SCRIB: variants seen among roughly 807,000 people sequenced by gnomAD.
SCRIB encodes the protein protein scribble homolog.
SCRIB carries 72 observed loss-of-function variants against 170.0 expected under a neutral mutation model. The ratio of observed to expected loss-of-function variants is 0.42; its 90% CI spans 0.35 to 0.52. The LOEUF is 0.52. Ranked by LOEUF, SCRIB falls within the 20% of genes least tolerant of loss-of-function variation. SCRIB has a pLI of 0.02. For missense variants in SCRIB, 2,475 were observed against 2,338.5 expected (o/e 1.06, Z -1.20); for synonymous variants, 1,298 against 1,044.3 (o/e 1.24, Z -4.68).
At chr8:143,802,026 C>T (rs782351848) in intron 24 of SCRIB, among the ~76,000 whole-genome samples, 5 of 152,234 alleles carry the variant, frequency 3.3e-5, no homozygotes, top group Non-Finnish European at 5.9e-5. Context: ...GGAGCTCGCT[C>T]CCTCTCTAAT....
rs145142316 is a variant in SCRIB, at chr8:143,808,621, C to A, written c.2103G>T (p.Ala701=). ...GGCTGACACCAACCTTGACAGAGGG[C>A]GCAGAAACCACGGCCCCCTCCTTGT... ...EEDKEGAVVS[A]PSVKGVSFDQ... is the part of the protein sequence containing the mutation. Residue 701 remains alanine (A), a synonymous_variant, in exon 15 of 37, where the codon GCG becomes GCT. Transcript: ENST00000356994. 1 of 1,511,116 alleles carries A rather than the reference C, an allele frequency of 6.6e-7. No individual in the cohort carries two copies. The highest frequency in any genetic ancestry group is 2.3e-5 in the Admixed American group (1 of 43,478). 93.6% of individuals were successfully genotyped at this position (1,511,116 alleles called of 1,614,324 possible).
In SCRIB at chr8:143,792,321, C is replaced by T. The variant is rs377362353; in HGVS notation, c.4413G>A (p.Leu1471=). The T allele has an allele frequency of 2.0e-4, 308 of 1,550,728 alleles. No individual in the cohort carries two copies. Among genetic ancestry groups the T allele is most frequent in the Non-Finnish European group, 2.5e-4 (293 of 1,155,138 alleles). Residue 1471 remains leucine (L), a synonymous_variant, in exon 32 of 37, where the codon CTG becomes CTA. Transcript: ENST00000356994. ...CCGGTGGCTCCGGACTCTGCACGCG[C>T]AGCCGCTCCTGGTGGCGCCGTTCAG... is the stretch of plus-strand genomic sequence containing the variant. ...AKAERRHQER[L]RVQSPEPPAP...
At chr8:143,791,830 C>CT (rs1206269132) in intron 34 of SCRIB, 46 bp downstream of exon 34, 12 of 1,527,710 alleles carry the variant, frequency 7.9e-6, no homozygotes, top group East Asian at 4.7e-5. Context: ...AGACCCCACC[C>CT]CCATGCCTCG....
At position 143,808,658 on chromosome 8, in the gene SCRIB, G is replaced by C. The variant is rs373155569; in HGVS notation, c.2066C>G (p.Thr689Ser). Residue 689 changes from threonine (T) to serine (S), a missense_variant, in exon 15 of 37, where the codon ACT becomes AGT. Coordinates refer to ENST00000356994, the MANE Select transcript of SCRIB (RefSeq NM_182706.5). ...ENRAEEEEAS[T>S]EEEDKEGAVV... is the part of the protein sequence containing the mutation. ...GGCCCCCTCCTTGTCCTCCTCCTCA[G>C]TGCTGGCCTCTTCCTCTTCAGCCCT... is the stretch of plus-strand genomic sequence containing the variant. The C allele has an allele frequency of 8.5e-6, 13 of 1,532,784 alleles. No homozygotes were observed. In the Admixed American group the frequency reaches 1.1e-4, roughly 13 times the overall value. 94.9% of individuals were successfully genotyped at this position (1,532,784 alleles called of 1,614,324 possible).
intron 21 of SCRIB, 132 bp downstream of exon 21, chr8:143,804,436 T>C: frequency 1.0e-6 from 1 of 952,824 alleles, no homozygotes; most frequent in South Asian, 1.9e-5. Context: ...CTCAAGGAGC[T>C]GCAGGGGAAA....
At chr8:143,794,892 G>A (rs1814872573) in intron 27 of SCRIB, 146 bp downstream of exon 27, 3 of 685,610 alleles carry the variant, frequency 4.4e-6, no homozygotes, top group African/African-American at 3.6e-5. Context: ...GCCAGGCTGG[G>A]GTAGCCTGCA....
intron 35 of SCRIB, 41 bp downstream of exon 35, chr8:143,791,623 ACG>A: frequency 6.4e-7 from 1 of 1,552,164 alleles, no homozygotes; most frequent in Middle Eastern, 1.7e-4. Context: ...GGTGGCAGGC[ACG>A]GACAGGGTGG....
intron 24 of SCRIB, among the ~76,000 whole-genome samples, chr8:143,796,624 T>C (rs1269807375): frequency 2.6e-5 from 4 of 152,108 alleles, no homozygotes; most frequent in African/African-American, 4.8e-5. Context: ...AGGAAGCAGC[T>C]AAACACAGAA....
intron 24 of SCRIB, among the ~76,000 whole-genome samples, chr8:143,798,391 G>A (rs561528216): frequency 2.6e-5 from 4 of 152,306 alleles, no homozygotes; most frequent in African/African-American, 9.6e-5. Flanking sequence ...CGGACTGTAC[G>A]TCCCAGGCAG....
rs547620211 is a variant in SCRIB, at chr8:143,815,077, CTGG to C, written c.159+134_159+136del. Reference sequence around the variant, plus strand: ...GGCTGGAAGAGAAGGGTGGGGCTGGCTGGGGTGGGGACCTGGCCAGTGCAAACC... The same window carrying C: ...GGCTGGAAGAGAAGGGTGGGGCTGGCGGTGGGGACCTGGCCAGTGCAAACC... On this transcript the variant is annotated intron_variant, in intron 1 of 36. Transcript: ENST00000356994. 52 of 1,009,914 alleles carry C rather than the reference CTGG, an allele frequency of 5.1e-5. No homozygotes were observed. In the South Asian group the frequency reaches 9.6e-4, roughly 19 times the overall value. The allele number at this position is 1,009,914 out of a possible 1,614,324, so 62.6% of individuals were successfully genotyped here.
intron 9 of SCRIB, among the ~76,000 whole-genome samples, chr8:143,811,954 C>T (rs895054230): frequency 1.3e-5 from 2 of 152,208 alleles, no homozygotes; most frequent in East Asian, 1.9e-4. Flanking sequence ...TGCTCTCCAT[C>T]TGTCTTCCCT....
rs542500771 is a variant in SCRIB, at chr8:143,792,249, G to A, written c.4485C>T (p.Ala1495=). The change falls in exon 32 of 37, where the codon GCC becomes GCT. Residue 1495 remains alanine (A), a synonymous_variant. Transcript: ENST00000356994. The part of the protein sequence containing the change: ...LSPAELRALE[A]EKRALWRAAR... ...CTGCCCTCCACAGCGCACGCTTCTC[G>A]GCCTCCAGGGCCCGGAGCTCGGCAG... 47 of 1,572,908 alleles carry A rather than the reference G, an allele frequency of 3.0e-5. No individual in the cohort carries two copies. The East Asian group carries it at 3.2e-4, about 11-fold the overall frequency.
rs200983191 is a variant in SCRIB, at chr8:143,792,789, G to A, written c.4096C>T (p.Arg1366Cys). 48 of 1,576,660 alleles carry A rather than the reference G, an allele frequency of 3.0e-5. No individual in the cohort carries two copies. The highest frequency in any genetic ancestry group is 2.1e-4 in the Admixed American group (12 of 56,766). ...ERQKYFELEV[R>C]VPQAEGPPKR... ...GGGGGGCCCTCGGCCTGGGGCACGC[G>A]CACCTCCAGCTCAAAGTACTTCTGC... Residue 1366 changes from arginine to cysteine, a missense_variant, in exon 30 of 37, where the codon CGC becomes TGC. By Grantham distance (180) the Arg-to-Cys change is radical (BLOSUM62 -3). Around this residue, in one of 3 missense-constraint regions of SCRIB, gnomAD observed 1,966 missense variants for 1,742.9 expected, o/e 1.13. Coordinates refer to ENST00000356994, the MANE Select transcript of SCRIB (RefSeq NM_182706.5).
At position 143,792,376 on chromosome 8, in the gene SCRIB, C is replaced by A; in HGVS notation, c.4358G>T (p.Gly1453Val). ...RQSPASPPPLGGGAPVRTAKA... is the reference protein window; with the variant it reads ...RQSPASPPPLVGGAPVRTAKA... ...GGCCGTCCGCACCGGGGCGCCACCT[C>A]CCAGGGGTGGGGGGGACGCCGGGCT... Residue 1453 changes from glycine (G) to valine (V), a missense_variant, in exon 32 of 37, where the codon GGA becomes GTA. This residue lies in a region of SCRIB where 1,966 missense variants were observed against 1,742.9 expected (regional missense o/e 1.13). Transcript: ENST00000356994. 6.6e-7 allele frequency: 1 copy of A among 1,522,762 alleles called. No individual in the cohort carries two copies. The highest frequency in any genetic ancestry group is 2.4e-5 in the East Asian group (1 of 42,418). 94.3% of individuals were successfully genotyped at this position (1,522,762 alleles called of 1,614,324 possible).
chr8:143,808,558 C>T, intron 15 of SCRIB, 51 bp downstream of exon 15: 1 of 1,487,152 alleles, frequency 6.7e-7, no homozygotes, highest in African/African-American at 1.4e-5. Flanking sequence ...CCCTGGGTGC[C>T]CAGGAGGGCC....
rs1360867216 is a variant in SCRIB, at chr8:143,809,675, CGA to C, written c.1572_1573del (p.Arg525ProfsTer8). On this transcript the variant is annotated frameshift_variant, in exon 14 of 37. Transcript: ENST00000356994. LOFTEE classifies it high-confidence loss of function. ...CTCAGAGACTGTGCTGGCAGATGGG[CGA>C]GAGTCTTCACTCAGGCCAGACTCGG... is the stretch of plus-strand genomic sequence containing the variant. 6.2e-7 allele frequency: 1 copy of C among 1,610,970 alleles called. No homozygotes were observed. Among genetic ancestry groups the C allele is most frequent in the Non-Finnish European group, 8.5e-7 (1 of 1,179,910 alleles).
rs550379378 is a variant in SCRIB, at chr8:143,795,481, C to T, written c.3653G>A (p.Arg1218Gln). ...ANPFAAGIGH[R>Q]NSLESISSID... is the part of the protein sequence containing the mutation. Reference sequence around the variant, plus strand: ...GGAAGAGATGCTCTCCAGGCTGTTCCGGTGGCCGATGCCTGCCGCAAAGGG... The same window carrying T: ...GGAAGAGATGCTCTCCAGGCTGTTCTGGTGGCCGATGCCTGCCGCAAAGGG... The change falls in exon 25 of 37, where the codon CGG becomes CAG. Residue 1218 changes from arginine (R) to glutamine (Q), a missense_variant. By Grantham distance (43) the Arg-to-Gln change is conservative. Around this residue, in one of 3 missense-constraint regions of SCRIB, gnomAD observed 1,966 missense variants for 1,742.9 expected, o/e 1.13. Transcript: ENST00000356994. 88 of 1,612,972 alleles carry T rather than the reference C, an allele frequency of 5.5e-5. No homozygotes were observed. The highest frequency in any genetic ancestry group is 1.3e-4 in the South Asian group (12 of 90,996).
chr8:143,791,745 A>AAATTC lies in SCRIB; in HGVS notation c.4696-6_4696-5insGAATT. On this transcript the variant is annotated splice_polypyrimidine_tract_variant and splice_region_variant and intron_variant, in intron 34 of 36. Transcript: ENST00000356994. ...AAACTTCTTTCCAGACAAGGGCTTG[A>AAATTC]AAGGACAGCGTGAGGGGAGAGGCAG... is the stretch of plus-strand genomic sequence containing the variant. 1.3e-6 allele frequency: 2 copies of AAATTC among 1,596,404 alleles called. No homozygotes were observed. Among genetic ancestry groups the AAATTC allele is most frequent in the South Asian group, 2.2e-5 (2 of 90,674 alleles).
intron 24 of SCRIB, among the ~76,000 whole-genome samples, chr8:143,796,943 G>A (rs1410995604): frequency 6.6e-6 from 1 of 152,206 alleles, no homozygotes; most frequent in Non-Finnish European, 1.5e-5. Context: ...ACTGTTCCAA[G>A]AATAACCTTG....
Sources: allele counts gnomAD v4.1 joint callset (sites outside exome capture counted in the v4.1 genomes callset), GRCh38; gene constraint gnomAD v4.1.1; regional missense constraint gnomAD v4.1.1; transcripts MANE v1.5; gene names NCBI Gene and HGNC (gene_info 2026-07-23, HGNC 2026-07-21).